Variants in TPST1 observed in about 807,000 individuals in gnomAD.
The protein encoded by TPST1 is tyrosylprotein sulfotransferase 1.
Under a neutral mutation model 34.8 loss-of-function variants are expected in TPST1, and 20 were observed. That is an observed-to-expected ratio of 0.57 (90% confidence interval 0.40 to 0.84). The LOEUF (loss-of-function observed/expected upper bound fraction) is 0.84, where lower values mean the gene tolerates loss of function less well. Ranked by LOEUF, TPST1 falls within the 40% of genes least tolerant of loss-of-function variation. TPST1 has a pLI of 0.00. For missense variants in TPST1, 353 were observed against 455.5 expected (o/e 0.78, Z 2.05); for synonymous variants, 152 against 159.4 (o/e 0.95, Z 0.35).
At chr7:66,355,971 G>T (rs981591506) in intron 4 of TPST1, among the ~76,000 whole-genome samples, 6 of 146,820 alleles carry the variant, frequency 4.1e-5, no homozygotes, top group African/African-American at 1.5e-4. Context: ...AGGATGATCT[G>T]TTAAGCCCAG....
At chr7:66,321,664 GT>G (rs1423519541) in intron 3 of TPST1, among the ~76,000 whole-genome samples, 1 of 152,190 alleles carries the variant, frequency 6.6e-6, no homozygotes. Context: ...GTGCCAAAGA[GT>G]TTTTCAAAGT....
intron 2 of TPST1, among the ~76,000 whole-genome samples, chr7:66,284,031 TGCATAG>T (rs772202779): frequency 6.6e-6 from 1 of 152,246 alleles, no homozygotes; most frequent in Non-Finnish European, 1.5e-5. Context: ...TTGACTGATA[TGCATAG>T]GTTTCCCATG....
chr7:66,212,582 C>T (rs1562796958), intron 1 of TPST1, among the ~76,000 whole-genome samples: 2 of 151,858 alleles, frequency 1.3e-5, no homozygotes, highest in Non-Finnish European at 2.9e-5. Context: ...GCCTCAGCCT[C>T]CCAAGTAGCT....
chr7:66,324,823 A>AAC (rs1791830173), intron 3 of TPST1, among the ~76,000 whole-genome samples: 1 of 149,984 alleles, frequency 6.7e-6, no homozygotes, highest in East Asian at 2.0e-4. Flanking sequence ...AAAAAAAAAA[A>AAC]AAAAAAACAA....
At chr7:66,214,890 T>C (rs1789356482) in intron 1 of TPST1, among the ~76,000 whole-genome samples, 1 of 147,668 alleles carries the variant, frequency 6.8e-6, no homozygotes. Context: ...TATTTATATG[T>C]ATATTTTTAT....
At chr7:66,226,009 C>T (rs184574543) in intron 1 of TPST1, among the ~76,000 whole-genome samples, 160 of 152,188 alleles carry the variant, frequency 1.1e-3, no homozygotes, top group African/African-American at 3.5e-3. Context: ...GTCTCAGCCT[C>T]CCGAGTAGCT....
intron 3 of TPST1, among the ~76,000 whole-genome samples, chr7:66,327,389 C>T (rs1471507227): frequency 6.6e-6 from 1 of 152,076 alleles, no homozygotes; most frequent in Non-Finnish European, 1.5e-5. Flanking sequence ...TTCAGAACCC[C>T]TGGTTGTAAG....
intron 2 of TPST1, among the ~76,000 whole-genome samples, chr7:66,259,241 G>A (rs1790437970): frequency 6.6e-6 from 1 of 152,040 alleles, no homozygotes; most frequent in Admixed American, 6.6e-5. Flanking sequence ...TATTTAAATT[G>A]TTTCTTAAGT....
chr7:66,270,919 C>T (rs181577934), intron 2 of TPST1, among the ~76,000 whole-genome samples: 19 of 152,308 alleles, frequency 1.2e-4, no homozygotes, highest in African/African-American at 4.3e-4. Context: ...TATTCTAATT[C>T]TGATCTCTTT....
intron 1 of TPST1, among the ~76,000 whole-genome samples, chr7:66,224,185 G>A (rs1034944968): frequency 6.6e-6 from 1 of 152,188 alleles, no homozygotes; most frequent in Non-Finnish European, 1.5e-5. Flanking sequence ...TGCAACAATG[G>A]TTTCATTTAG....
rs1470306118 is a variant in TPST1, at chr7:66,342,286, G to T, written c.1045-10219G>T. Among the ~76,000 whole-genome samples, 4 of 152,150 alleles carry T rather than the reference G, an allele frequency of 2.6e-5. No homozygotes were observed. The East Asian group carries it at 7.7e-4, about 29-fold the overall frequency. On this transcript the variant is annotated intron_variant, in intron 3 of 5. Transcript: ENST00000304842. ...ATTCTCCCAAAAACTGGAGGGAATG[G>T]TGCATACTGAGAATCACAGATTACC...
chr7:66,284,860 T>C (rs1160991777), intron 2 of TPST1, among the ~76,000 whole-genome samples: 1 of 152,164 alleles, frequency 6.6e-6, no homozygotes, highest in Non-Finnish European at 1.5e-5. Flanking sequence ...ATTTGTCTCA[T>C]CTCTATTTCT....
chr7:66,230,290 T>C (rs1050064165), intron 1 of TPST1, among the ~76,000 whole-genome samples: 19 of 152,362 alleles, frequency 1.2e-4, no homozygotes, highest in Middle Eastern at 3.4e-3. Context: ...ACATTTCATG[T>C]AAATGGAATC....
At chr7:66,256,729 G>A (rs1790390325) in intron 2 of TPST1, among the ~76,000 whole-genome samples, 2 of 152,158 alleles carry the variant, frequency 1.3e-5, no homozygotes, top group South Asian at 4.1e-4. Flanking sequence ...ATTACACGAA[G>A]GTAGGAATAT....
At chr7:66,231,729 C>T (rs1266208971) in intron 1 of TPST1, among the ~76,000 whole-genome samples, 1 of 152,254 alleles carries the variant, frequency 6.6e-6, no homozygotes, top group Non-Finnish European at 1.5e-5. Flanking sequence ...TCCCTCCACA[C>T]CACCCTGCAA....
chr7:66,257,008 G>A (rs563227515), intron 2 of TPST1, among the ~76,000 whole-genome samples: 45 of 152,130 alleles, frequency 3.0e-4, no homozygotes, highest in African/African-American at 1.0e-3. Flanking sequence ...GTGCAGTGGC[G>A]CAGTCATGGC....
At chr7:66,209,377 C>T (rs914882332) in intron 1 of TPST1, among the ~76,000 whole-genome samples, 4 of 152,272 alleles carry the variant, frequency 2.6e-5, no homozygotes, top group Middle Eastern at 3.4e-3. Context: ...ATATGGGAGC[C>T]GCTCATGAAT....
In TPST1 at chr7:66,322,428, C is replaced by T. The variant is rs566190982; in HGVS notation, c.1045-30077C>T. On this transcript the variant is annotated intron_variant, in intron 3 of 5. Transcript: ENST00000304842. Reference sequence around the variant, plus strand: ...CTCCCCACTCCCCTCCTTGCTGCTCCTGGCAGTCCCTATTTTACTTTTGTC... The same window carrying T: ...CTCCCCACTCCCCTCCTTGCTGCTCTTGGCAGTCCCTATTTTACTTTTGTC... Among the ~76,000 whole-genome samples, 3 of 152,362 alleles carry T rather than the reference C, an allele frequency of 2.0e-5. No individual in the cohort carries two copies. In the South Asian group the frequency reaches 6.2e-4, roughly 32 times the overall value.
chr7:66,228,400 A>T (rs926762347), intron 1 of TPST1, among the ~76,000 whole-genome samples: 9 of 152,234 alleles, frequency 5.9e-5, no homozygotes, highest in African/African-American at 2.2e-4. Context: ...TCTGACATGT[A>T]TCAGAAGTTG....
Sources: allele counts gnomAD v4.1 joint callset (sites outside exome capture counted in the v4.1 genomes callset), GRCh38; gene constraint gnomAD v4.1.1; transcripts MANE v1.5; gene names NCBI Gene and HGNC (gene_info 2026-07-23, HGNC 2026-07-21).